Variants in DPP10 observed in about 807,000 individuals in gnomAD.
DPP10 encodes dipeptidyl peptidase like 10.
Under a neutral mutation model 120.9 loss-of-function variants are expected in DPP10, and 33 were observed. That is an observed-to-expected ratio of 0.27 (90% CI 0.21 to 0.37). DPP10 has a LOEUF of 0.37. Ranked by LOEUF, DPP10 falls within the 10% of genes least tolerant of loss-of-function variation. The pLI is 1.00. For synonymous variants in DPP10, 337 were observed against 326.1 expected (o/e 1.03, Z -0.36); for missense variants, 816 against 942.8 (o/e 0.87, Z 1.76).
At chr2:115,007,354 G>A in intron 1 of DPP10, among the ~76,000 whole-genome samples, 1 of 152,090 alleles carries the variant, frequency 6.6e-6, no homozygotes, top group East Asian at 1.9e-4. Flanking sequence ...TGCAGAAAAG[G>A]CCTTTGACAA....
intron 1 of DPP10, among the ~76,000 whole-genome samples, chr2:114,892,878 G>A (rs1236556567): frequency 1.3e-5 from 2 of 152,140 alleles, no homozygotes; most frequent in Middle Eastern, 3.2e-3. Context: ...GGCAGTGATG[G>A]GAAGGGAAAA....
chr2:114,488,691 C>CA (rs1156561443), intron 1 of DPP10, among the ~76,000 whole-genome samples: 2 of 152,184 alleles, frequency 1.3e-5, no homozygotes, highest in Non-Finnish European at 2.9e-5. Context: ...CTCATGTGGA[C>CA]ACTGCTGTGC....
At chr2:115,618,956 C>T (rs1001114899) in intron 5 of DPP10, among the ~76,000 whole-genome samples, 1 of 151,070 alleles carries the variant, frequency 6.6e-6, no homozygotes, top group East Asian at 2.0e-4. Context: ...CCTTCCTCCT[C>T]CCTGTAGTGA....
At chr2:114,513,177 C>A (rs1000509093) in intron 1 of DPP10, among the ~76,000 whole-genome samples, 3 of 152,124 alleles carry the variant, frequency 2.0e-5, no homozygotes, top group Admixed American at 6.5e-5. Context: ...TGTCTTCATT[C>A]TCACTTCACC....
At chr2:115,586,143 C>T (rs557983472) in intron 5 of DPP10, among the ~76,000 whole-genome samples, 51 of 151,806 alleles carry the variant, frequency 3.4e-4, no homozygotes, top group African/African-American at 7.5e-4. Context: ...ATCAACATGG[C>T]GAAACCCCGT....
chr2:115,374,523 A>T (rs2065643672), intron 3 of DPP10, among the ~76,000 whole-genome samples: 2 of 151,972 alleles, frequency 1.3e-5, no homozygotes, highest in African/African-American at 2.4e-5. Flanking sequence ...TCTTTTTCTC[A>T]CAGCTCCACC....
chr2:115,126,960 A>G (rs2050113436), intron 1 of DPP10, among the ~76,000 whole-genome samples: 1 of 152,180 alleles, frequency 6.6e-6, no homozygotes, highest in Non-Finnish European at 1.5e-5. Flanking sequence ...TTGAAATTCT[A>G]TAGACTTTCC....
intron 1 of DPP10, among the ~76,000 whole-genome samples, chr2:114,498,490 C>A (rs906931521): frequency 6.6e-6 from 1 of 152,180 alleles, no homozygotes; most frequent in Non-Finnish European, 1.5e-5. Context: ...CAGAATACCA[C>A]AAACTACGTA....
At chr2:115,687,201 C>G (rs2091039550) in intron 5 of DPP10, among the ~76,000 whole-genome samples, 1 of 151,902 alleles carries the variant, frequency 6.6e-6, no homozygotes, top group African/African-American at 2.4e-5. Flanking sequence ...TTTAAAATAT[C>G]TCCAACACTA....
intron 5 of DPP10, among the ~76,000 whole-genome samples, chr2:115,623,471 A>T (rs1435710771): frequency 6.6e-6 from 1 of 152,194 alleles, no homozygotes; most frequent in Admixed American, 6.5e-5. Flanking sequence ...ATTCATATTT[A>T]TTTAACAAGT....
chr2:114,666,880 A>G (rs796641726), intron 1 of DPP10, among the ~76,000 whole-genome samples: 2 of 152,378 alleles, frequency 1.3e-5, no homozygotes, highest in African/African-American at 4.8e-5. Flanking sequence ...TCGTAACTAT[A>G]TAATAACATG....
rs11347067 is a variant in DPP10, at chr2:114,817,303, C to CA, written c.60+374478dup. Among the ~76,000 whole-genome samples the CA allele has an allele frequency of 3.7e-3, 503 of 136,092 alleles. 1 individual carries two copies. Among genetic ancestry groups the CA allele is most frequent in the Middle Eastern group, 0.02 (5 of 256 alleles). 89.3% of individuals were successfully genotyped at this position (136,092 alleles called of 152,430 possible). ...GGGGGATATCAGCCAGTGTCCTGGCCAAAAAAAAAAAAAGGCTCACATGAA... is the reference window on the plus strand; with the variant it reads ...GGGGGATATCAGCCAGTGTCCTGGCCAAAAAAAAAAAAAAGGCTCACATGAA... On this transcript the variant is annotated intron_variant, in intron 1 of 25. Transcript: ENST00000410059.
intron 1 of DPP10, among the ~76,000 whole-genome samples, chr2:114,528,920 T>C (rs1685730161): frequency 6.6e-6 from 1 of 152,066 alleles, no homozygotes; most frequent in South Asian, 2.1e-4. Flanking sequence ...GACTAACCAC[T>C]TGGGCTTGTC....
intron 1 of DPP10, among the ~76,000 whole-genome samples, chr2:114,856,946 T>C (rs1475888000): frequency 6.6e-6 from 1 of 152,170 alleles, no homozygotes; most frequent in East Asian, 1.9e-4. Context: ...ATAAATACAA[T>C]GAATTAGTAA....
rs963847962 is a variant in DPP10, at chr2:115,717,039, C to T, written c.577-10777C>T. Reference sequence around the variant, plus strand: ...CAAATGTAAAAACAAATTATTGTAACGTCAGAGGCTGAAATGCATATGCAG... The same window carrying T: ...CAAATGTAAAAACAAATTATTGTAATGTCAGAGGCTGAAATGCATATGCAG... On this transcript the variant is annotated intron_variant, in intron 7 of 25. Transcript: ENST00000410059. Among the ~76,000 whole-genome samples, 13 of 152,284 alleles carry T rather than the reference C, an allele frequency of 8.5e-5. 1 individual carries two copies. The highest frequency in any genetic ancestry group is 6.8e-3 in the Middle Eastern group (2 of 294).
rs1249482530 is a variant in DPP10, at chr2:115,334,987, G to T, written c.176-8830G>T. ...GCTGATAAAGATATACCCGAGACTG[G>T]GATATTTACAAAAGACGAGGTTTTA... On this transcript the variant is annotated intron_variant, in intron 2 of 25. Transcript: ENST00000410059. Among the ~76,000 whole-genome samples the T allele has an allele frequency of 2.0e-5, 3 of 151,410 alleles. No homozygotes were observed. In the East Asian group the frequency reaches 5.8e-4, roughly 29 times the overall value.
intron 1 of DPP10, among the ~76,000 whole-genome samples, chr2:114,526,547 A>G (rs1235055016): frequency 1.3e-5 from 2 of 152,160 alleles, no homozygotes; most frequent in Non-Finnish European, 2.9e-5. Context: ...ATAACAAAAA[A>G]TACTATAGAC....
At chr2:115,202,406 T>A (rs1308787431) in intron 1 of DPP10, among the ~76,000 whole-genome samples, 1 of 152,210 alleles carries the variant, frequency 6.6e-6, no homozygotes, top group African/African-American at 2.4e-5. Context: ...ATATTTTCAA[T>A]TTGCTGATTA....
At chr2:114,623,001 C>T (rs1694214903) in intron 1 of DPP10, among the ~76,000 whole-genome samples, 1 of 151,854 alleles carries the variant, frequency 6.6e-6, no homozygotes, top group Non-Finnish European at 1.5e-5. Flanking sequence ...CAGGATGAAC[C>T]AAGGTTAATG....
Sources: allele counts gnomAD v4.1 joint callset (sites outside exome capture counted in the v4.1 genomes callset), GRCh38; gene constraint gnomAD v4.1.1; transcripts MANE v1.5; gene names NCBI Gene and HGNC (gene_info 2026-07-23, HGNC 2026-07-21).